CDC40: variants seen among roughly 807,000 people sequenced by gnomAD.
The protein encoded by CDC40 is cell division cycle 40, also known as pre-mRNA-processing factor 17.
A neutral mutation model predicts 80.6 loss-of-function variants in CDC40; 27 were observed. The ratio of observed to expected loss-of-function variants is 0.33; its 90% CI spans 0.25 to 0.46. The LOEUF (loss-of-function observed/expected upper bound fraction) is 0.46. Ranked by LOEUF, CDC40 falls within the 20% of genes least tolerant of loss-of-function variation. The pLI, the probability that CDC40 is intolerant of heterozygous loss-of-function variation, is 1.00. For missense variants in CDC40, 486 were observed against 694.1 expected (o/e 0.70, Z 3.37); for synonymous variants, 221 against 232.6 (o/e 0.95, Z 0.45).
intron 9 of CDC40, among the ~76,000 whole-genome samples, chr6:110,217,449 C>T (rs1777714648): frequency 6.6e-6 from 1 of 152,138 alleles, no homozygotes. Context: ...ACCTTTTCCT[C>T]TTGGTTCTTA....
At chr6:110,217,235 T>G (rs1202262442) in intron 9 of CDC40, among the ~76,000 whole-genome samples, 1 of 152,226 alleles carries the variant, frequency 6.6e-6, no homozygotes, top group Admixed American at 6.5e-5. Context: ...GGCTACAGTT[T>G]CCTGAACTTT....
rs774620104 is a variant in CDC40, at chr6:110,212,166, A to G, written c.761A>G (p.Tyr254Cys). Residue 254 changes from tyrosine (Y) to cysteine (C), a missense_variant, in exon 7 of 15, where the codon TAT (tyrosine) becomes TGT (cysteine). By Grantham distance (194) the Tyr-to-Cys change is radical. Transcript: ENST00000307731. ...KEMYDYQGRS[Y>C]LHIPQDVGVN... ...ATGTATGACTATCAAGGCAGGTCCTATCTTCACATACCTCAGGATGTTGGT... is the reference window on the plus strand; with the variant it reads ...ATGTATGACTATCAAGGCAGGTCCTGTCTTCACATACCTCAGGATGTTGGT... 1.9e-6 allele frequency: 3 copies of G among 1,613,626 alleles called. No homozygotes were observed. Among genetic ancestry groups the G allele is most frequent in the Admixed American group, 3.3e-5 (2 of 60,028 alleles).
chr6:110,189,005 G>C (rs1360691182), intron 1 of CDC40, among the ~76,000 whole-genome samples: 1 of 152,198 alleles, frequency 6.6e-6, no homozygotes, highest in Non-Finnish European at 1.5e-5. Context: ...TCAGCCTGCT[G>C]CTTGCAACTA....
At chr6:110,222,909 G>A (rs1349362146) in intron 12 of CDC40, among the ~76,000 whole-genome samples, 2 of 152,146 alleles carry the variant, frequency 1.3e-5, no homozygotes, top group African/African-American at 4.8e-5. Flanking sequence ...ACTATCCTAA[G>A]CATTTCACGT....
intron 3 of CDC40, among the ~76,000 whole-genome samples, chr6:110,202,099 C>T (rs991103929): frequency 1.3e-5 from 2 of 152,130 alleles, no homozygotes; most frequent in African/African-American, 4.8e-5. Flanking sequence ...CTTGGAAATG[C>T]TTTCTCTTGA....
intron 12 of CDC40, among the ~76,000 whole-genome samples, chr6:110,223,794 C>T (rs543509011): frequency 6.9e-5 from 9 of 130,904 alleles, no homozygotes; most frequent in Admixed American, 3.1e-4. Context: ...TATTCAGCAA[C>T]TTGTAGGGTT....
chr6:110,226,979 G>T (rs1193663168), intron 13 of CDC40, among the ~76,000 whole-genome samples: 1 of 151,900 alleles, frequency 6.6e-6, no homozygotes, highest in Non-Finnish European at 1.5e-5. Context: ...CTGTACTCCA[G>T]CCTGGGCAAC....
intron 12 of CDC40, among the ~76,000 whole-genome samples, chr6:110,221,345 T>C (rs1013597617): frequency 5.3e-5 from 8 of 152,148 alleles, no homozygotes; most frequent in African/African-American, 1.9e-4. Context: ...TTAAGTCCCT[T>C]TGGGGACCTC....
At chr6:110,207,030 A>T (rs921176825) in intron 3 of CDC40, among the ~76,000 whole-genome samples, 1 of 152,086 alleles carries the variant, frequency 6.6e-6, no homozygotes, top group Non-Finnish European at 1.5e-5. Flanking sequence ...AATATAGCTC[A>T]GGGGCCGGGA....
At chr6:110,195,341 A>G (rs949660447) in intron 2 of CDC40, among the ~76,000 whole-genome samples, 15 of 152,168 alleles carry the variant, frequency 9.9e-5, no homozygotes, top group African/African-American at 3.6e-4. Context: ...AAAAAGATAG[A>G]GACCAGACTA....
At chr6:110,215,567 A>G (rs531484242) in intron 9 of CDC40, among the ~76,000 whole-genome samples, 1 of 152,198 alleles carries the variant, frequency 6.6e-6, no homozygotes. Context: ...ATCCACGTAC[A>G]TTTCAGGATT....
chr6:110,193,897 A>G (rs1218861955), intron 2 of CDC40, among the ~76,000 whole-genome samples: 1 of 152,230 alleles, frequency 6.6e-6, no homozygotes, highest in Non-Finnish European at 1.5e-5. Flanking sequence ...ATGAGGGAGT[A>G]TTATAATTAA....
At chr6:110,190,574 T>C (rs1777333396) in intron 1 of CDC40, among the ~76,000 whole-genome samples, 2 of 152,110 alleles carry the variant, frequency 1.3e-5, no homozygotes, top group South Asian at 2.1e-4. Flanking sequence ...AGCATAGTGT[T>C]TGATGCTGTG....
intron 13 of CDC40, among the ~76,000 whole-genome samples, chr6:110,227,082 T>A (rs1054242850): frequency 2.0e-5 from 3 of 152,172 alleles, no homozygotes; most frequent in Admixed American, 6.6e-5. Context: ...TGATTCTCCA[T>A]AATGAGAGAA....
rs537640923 is a variant in CDC40, at chr6:110,227,792, G to A, written c.1418-1040G>A. Among the ~76,000 whole-genome samples, 21 of 152,314 alleles carry A rather than the reference G, an allele frequency of 1.4e-4. No homozygotes were observed. The East Asian group carries it at 2.9e-3, about 21-fold the overall frequency. On this transcript the variant is annotated intron_variant, in intron 13 of 14. Coordinates refer to ENST00000307731, the MANE Select transcript of CDC40 (RefSeq NM_015891.3). The stretch of plus-strand genomic sequence containing the variant: ...GAGAGGTGATTTAATGTATACAGGA[G>A]ATATGTAGGTTATATGCAAATACTA...
chr6:110,207,521 C>T lies in CDC40; in HGVS notation c.422C>T (p.Pro141Leu). ...TTGCTTTCAGGTTATGCATTAGACC[C>T]TTCATTAGATAATCATCAAGTGTCT... ...TFATYGYALDPSLDNHQVSAK... is the reference protein window; with the variant it reads ...TFATYGYALDLSLDNHQVSAK... Residue 141 changes from proline to leucine, a missense_variant, in exon 4 of 15, where the codon CCT (proline) becomes CTT (leucine). Transcript: ENST00000307731. 1 of 1,595,290 alleles carries T rather than the reference C, an allele frequency of 6.3e-7. No homozygotes were observed. Among genetic ancestry groups the T allele is most frequent in the Non-Finnish European group, 8.6e-7 (1 of 1,164,194 alleles).
At chr6:110,220,508 A>T (rs141381906) in intron 12 of CDC40, among the ~76,000 whole-genome samples, 1 of 142,422 alleles carries the variant, frequency 7.0e-6, no homozygotes, top group Non-Finnish European at 1.5e-5. Flanking sequence ...GCAGTGGCGC[A>T]ATCTCAGCTC....
At chr6:110,212,366 G>C (rs1253649193) in intron 7 of CDC40, 94 bp downstream of exon 7, 1 of 1,297,448 alleles carries the variant, frequency 7.7e-7, no homozygotes, top group Non-Finnish European at 1.1e-6. Flanking sequence ...TAGTATTTCT[G>C]GTAAAGGTAC....
At chr6:110,203,142 CTT>C (rs1777514808) in intron 3 of CDC40, among the ~76,000 whole-genome samples, 1 of 152,056 alleles carries the variant, frequency 6.6e-6, no homozygotes, top group African/African-American at 2.4e-5. Context: ...TTCAAGTAAA[CTT>C]AATAAGTGAA....
Sources: gnomAD v4.1 joint callset for allele counts (sites outside exome capture counted in the v4.1 genomes callset) on GRCh38, gnomAD v4.1.1 for gene constraint, MANE v1.5 for transcripts, NCBI Gene and HGNC (gene_info 2026-07-23, HGNC 2026-07-21) for gene names.